Variants in PTPRN2 observed in about 807,000 individuals in gnomAD.
PTPRN2 encodes the protein receptor-type tyrosine-protein phosphatase N2.
Under a neutral mutation model 118.8 loss-of-function variants are expected in PTPRN2, and 74 were observed. The ratio of observed to expected loss-of-function variants is 0.62; its 90% CI spans 0.52 to 0.76. The LOEUF (loss-of-function observed/expected upper bound fraction) is 0.76, where lower values mean the gene tolerates loss of function less well. PTPRN2 is among the 30% of genes least tolerant of loss of function. The pLI is 0.00. For missense variants in PTPRN2, 1,481 were observed against 1,394.4 expected (o/e 1.06, Z -0.99); for synonymous variants, 641 against 608.0 (o/e 1.05, Z -0.80).
rs374265653 is a variant in PTPRN2, at chr7:158,288,117, ACT to A, written c.277+28700_277+28701del. 5.5e-3 allele frequency among the ~76,000 whole-genome samples: 833 copies of A among 151,454 alleles called. 5 individuals are homozygous for A. The highest frequency in any genetic ancestry group is 0.019 in the African/African-American group (782 of 41,286). The stretch of plus-strand genomic sequence containing the variant: ...TATTTTATTTAAGTATAGCACTTCT[ACT>A]CTCTTTTGGTCTTCATTTGCATGAA... On this transcript the variant is annotated intron_variant, in intron 3 of 22. Transcript: ENST00000389418.
At chr7:158,511,457 T>G (rs1480105119) in intron 1 of PTPRN2, among the ~76,000 whole-genome samples, 2 of 152,138 alleles carry the variant, frequency 1.3e-5, no homozygotes, top group Admixed American at 6.5e-5. Flanking sequence ...CTCCTAGTTC[T>G]CCTAAACCAT....
At chr7:158,312,079 GCA>G (rs1801816937) in intron 3 of PTPRN2, among the ~76,000 whole-genome samples, 1 of 104,274 alleles carries the variant, frequency 9.6e-6, no homozygotes, top group Non-Finnish European at 1.9e-5. Context: ...ACACACACGT[GCA>G]CTCATTCACA....
intron 12 of PTPRN2, among the ~76,000 whole-genome samples, chr7:157,719,518 G>A (rs1476218507): frequency 6.6e-6 from 1 of 152,262 alleles, no homozygotes; most frequent in Non-Finnish European, 1.5e-5. Flanking sequence ...CCGGCCTCCT[G>A]GGAACGCGGA....
chr7:158,365,685 C>G (rs4909200), intron 2 of PTPRN2, among the ~76,000 whole-genome samples: 125,795 of 143,074 alleles, frequency 0.88, 55,228 homozygotes, highest in Non-Finnish European at 0.93. Flanking sequence ...TGGGAGAAGC[C>G]GCAGCCCAAT....
chr7:158,186,512 AC>A lies in PTPRN2; in HGVS notation c.549+5814del, dbSNP rs1437024502. Among the ~76,000 whole-genome samples the A allele has an allele frequency of 2.0e-5, 3 of 146,564 alleles. No homozygotes were observed. In the South Asian group the frequency reaches 6.6e-4, roughly 32 times the overall value. On this transcript the variant is annotated intron_variant, in intron 5 of 22. Transcript: ENST00000389418. ...TCTTGGAAGCCCACCTGGGCCACCTACCCCCTCTGGCATGAGTACGCCTGGG... is the reference window on the plus strand; with the variant it reads ...TCTTGGAAGCCCACCTGGGCCACCTACCCCTCTGGCATGAGTACGCCTGGG...
chr7:158,324,492 G>T (rs560834278), intron 2 of PTPRN2, among the ~76,000 whole-genome samples: 1 of 35,930 alleles, frequency 2.8e-5, no homozygotes, highest in Admixed American at 3.1e-4. Flanking sequence ...ACTCACTGGG[G>T]ACCAAAAAGG....
chr7:157,991,253 T>C (rs796264893), intron 11 of PTPRN2, among the ~76,000 whole-genome samples: 6 of 152,230 alleles, frequency 3.9e-5, no homozygotes, highest in African/African-American at 1.4e-4. Flanking sequence ...CCTCGGAGGG[T>C]GGCTAAGGGG....
chr7:157,862,615 C>A (rs554571379), intron 12 of PTPRN2: 2 of 152,356 alleles, frequency 1.3e-5, no homozygotes, highest in Admixed American at 6.5e-5. Flanking sequence ...AGAGTGGAAC[C>A]ACCGGTGCAG....
At chr7:158,460,997 C>T (rs1235587306) in intron 2 of PTPRN2, among the ~76,000 whole-genome samples, 2 of 152,222 alleles carry the variant, frequency 1.3e-5, no homozygotes, top group African/African-American at 4.8e-5. Flanking sequence ...TGCAGACCAT[C>T]ATTGCACAAA....
At chr7:158,250,712 C>T (rs1383617225) in intron 3 of PTPRN2, among the ~76,000 whole-genome samples, 1 of 152,186 alleles carries the variant, frequency 6.6e-6, no homozygotes, top group Non-Finnish European at 1.5e-5. Context: ...TGATGCAAAA[C>T]ATGTTTGAAT....
chr7:157,871,806 C>T (rs1448007545), intron 12 of PTPRN2, among the ~76,000 whole-genome samples: 1 of 151,734 alleles, frequency 6.6e-6, no homozygotes, highest in Non-Finnish European at 1.5e-5. Context: ...CACACCCACA[C>T]ACCCACAAAA....
At chr7:158,193,588 C>G (rs535953039) in intron 4 of PTPRN2, among the ~76,000 whole-genome samples, 3 of 152,030 alleles carry the variant, frequency 2.0e-5, no homozygotes, top group African/African-American at 7.2e-5. Context: ...TCAGCTGTGG[C>G]GGAGAGCTTG....
chr7:158,513,028 G>C (rs574454606), intron 1 of PTPRN2, among the ~76,000 whole-genome samples: 1 of 152,168 alleles, frequency 6.6e-6, no homozygotes, highest in African/African-American at 2.4e-5. Context: ...AGCATGACGC[G>C]TCACTCACGA....
At chr7:158,328,799 C>A (rs940604877) in intron 2 of PTPRN2, among the ~76,000 whole-genome samples, 10 of 147,834 alleles carry the variant, frequency 6.8e-5, no homozygotes, top group South Asian at 2.2e-4. Flanking sequence ...CCATTCCCCC[C>A]CCCCCGCCAC....
At chr7:158,140,331 C>T (rs958503533) in intron 6 of PTPRN2, among the ~76,000 whole-genome samples, 10 of 152,134 alleles carry the variant, frequency 6.6e-5, no homozygotes, top group African/African-American at 1.4e-4. Flanking sequence ...GGACATCTTC[C>T]GTATTACCCA....
intron 6 of PTPRN2, among the ~76,000 whole-genome samples, chr7:158,163,125 C>T (rs776499977): frequency 7.2e-5 from 11 of 152,276 alleles, no homozygotes; most frequent in Non-Finnish European, 1.2e-4. Flanking sequence ...CTGTAGTGGG[C>T]GCAGAGGAGC....
chr7:157,918,533 A>T (rs940846986), intron 11 of PTPRN2, among the ~76,000 whole-genome samples: 1 of 152,214 alleles, frequency 6.6e-6, no homozygotes, highest in Non-Finnish European at 1.5e-5. Context: ...ACTCGCATCA[A>T]ACTACTCATT....
intron 3 of PTPRN2, among the ~76,000 whole-genome samples, chr7:158,275,046 T>G (rs908452038): frequency 4.6e-5 from 7 of 152,150 alleles, no homozygotes; most frequent in African/African-American, 1.7e-4. Flanking sequence ...AAAAGCTGCC[T>G]TCTGAGGGTA....
At chr7:158,084,251 C>G (rs555748698) in intron 10 of PTPRN2, among the ~76,000 whole-genome samples, 1 of 152,296 alleles carries the variant, frequency 6.6e-6, no homozygotes, top group East Asian at 1.9e-4. Flanking sequence ...AGAACTTGCC[C>G]TGGCATTTGT....
Sources: gnomAD v4.1 joint callset for allele counts (sites outside exome capture counted in the v4.1 genomes callset) on GRCh38, gnomAD v4.1.1 for gene constraint, MANE v1.5 for transcripts, NCBI Gene and HGNC (gene_info 2026-07-23, HGNC 2026-07-21) for gene names.